The following CFAP99 variants were observed in gnomAD, a reference collection of about 807,000 sequenced individuals.
The protein encoded by CFAP99 is cilia- and flagella-associated protein 99.
Under a neutral mutation model 82.7 loss-of-function variants are expected in CFAP99, and 84 were observed. The observed-to-expected ratio is 1.02, with a 90% CI of 0.85 to 1.22. CFAP99 has a LOEUF of 1.22. Among genes scored for constraint, CFAP99 ranks in the 50% most tolerant of loss-of-function variants. CFAP99 has a pLI of 0.00. For synonymous variants in CFAP99, 456 were observed against 429.5 expected, an observed-to-expected ratio of 1.06 and a Z score of -0.76; for missense variants, 1,059 against 983.5, an observed-to-expected ratio of 1.08 and a Z score of -1.03.
chr4:2,458,633 A>T, intron 11 of CFAP99, 90 bp from the exon 12 acceptor site: 1 of 1,447,734 alleles, frequency 6.9e-7, no homozygotes, highest in Non-Finnish European at 9.1e-7. Context: ...GTCCACCTTC[A>T]GACCTCATGC....
chr4:2,440,627 C>T (rs376745451), intron 4 of CFAP99, among the ~76,000 whole-genome samples: 8 of 151,954 alleles, frequency 5.3e-5, no homozygotes, highest in South Asian at 4.2e-4. Flanking sequence ...GAGTCTCACT[C>T]TGTCCCCCAG....
chr4:2,458,764 G>A (rs1023890497), exon 12 of CFAP99: 1 of 1,535,780 alleles, frequency 6.5e-7, no homozygotes, highest in Non-Finnish European at 8.7e-7. Context: ...GACGGCTCCG[G>A]GAGGACAGGT....
chr4:2,423,281 C>G (rs962420071), intron 1 of CFAP99, among the ~76,000 whole-genome samples: 11 of 152,270 alleles, frequency 7.2e-5, no homozygotes, highest in African/African-American at 2.7e-4. Flanking sequence ...CACACCGCAC[C>G]GCACCCCTGC....
intron 1 of CFAP99, 71 bp downstream of exon 1, chr4:2,419,164 C>G (rs1421953852): frequency 6.6e-6 from 1 of 152,164 alleles, no homozygotes; most frequent in African/African-American, 2.4e-5. Flanking sequence ...TTCCCTCTCG[C>G]TCGCTGCTCA....
At chr4:2,426,580 C>A in exon 2 of CFAP99, 1 of 1,534,608 alleles carries the variant, frequency 6.5e-7, no homozygotes. Flanking sequence ...CGGCCACCTC[C>A]CTGCAGGTAG....
intron 9 of CFAP99, 90 bp from the exon 10 acceptor site, chr4:2,451,174 C>A: frequency 6.8e-7 from 1 of 1,472,418 alleles, no homozygotes; most frequent in Non-Finnish European, 9.2e-7. Context: ...GGGCAGGGGG[C>A]AGGTGTGACG....
intron 6 of CFAP99, among the ~76,000 whole-genome samples, chr4:2,447,929 G>GTGGGTGGATGGA (rs1354861282): frequency 7.2e-6 from 1 of 139,744 alleles, no homozygotes; most frequent in African/African-American, 2.8e-5. Context: ...GAATGGATGG[G>GTGGGTGGATGGA]TGGATGGATG....
chr4:2,431,721 T>G (rs1359935390), intron 2 of CFAP99, among the ~76,000 whole-genome samples: 1 of 148,716 alleles, frequency 6.7e-6, no homozygotes, highest in Non-Finnish European at 1.5e-5. Context: ...GCCCGTCAAA[T>G]AGGTGGGAAA....
intron 1 of CFAP99, among the ~76,000 whole-genome samples, chr4:2,423,660 T>G (rs1733626963): frequency 6.6e-6 from 1 of 152,106 alleles, no homozygotes; most frequent in Middle Eastern, 3.2e-3. Flanking sequence ...GTGGGAACCC[T>G]CAGAGGGTCT....
At chr4:2,449,523 T>C in intron 6 of CFAP99, 147 bp from the exon 7 acceptor site, 1 of 578,064 alleles carries the variant, frequency 1.7e-6, no homozygotes, top group Admixed American at 2.5e-5. Context: ...CCCGGTGGTG[T>C]TAGCTCCAGC....
chr4:2,462,942 C>A lies in CFAP99; in HGVS notation c.*16C>A. On this transcript the variant is annotated 3_prime_UTR_variant, in exon 15 of 15. Coordinates refer to ENST00000635017, the Ensembl canonical transcript of CFAP99. This position sits in a 1 kb window ranked among gnomAD's most constrained non-coding sequence, Gnocchi z 4.1. ...GGCCGCCTGAGCCGGGCCGAGCGCG[C>A]CCCACCCGCTTGCGGGCCACCCCCT... 7.9e-7 allele frequency: 1 copy of A among 1,261,352 alleles called. No individual in the cohort carries two copies. The highest frequency in any genetic ancestry group is 1.0e-6 in the Non-Finnish European group (1 of 1,002,956). 78.1% of individuals were successfully genotyped at this position (1,261,352 alleles called of 1,614,324 possible). A position where few individuals can be genotyped will look rare whatever the true frequency, so the allele number is the denominator to read the frequency against.
chr4:2,453,380 G>A (rs933564451), intron 11 of CFAP99, among the ~76,000 whole-genome samples: 4 of 152,166 alleles, frequency 2.6e-5, no homozygotes, highest in Admixed American at 6.5e-5. Context: ...ATTTCCAGAT[G>A]TCACACCAAA....
At chr4:2,438,010 C>T (rs1203630038) in intron 3 of CFAP99, 60 bp from the exon 4 acceptor site, 3 of 1,026,550 alleles carry the variant, frequency 2.9e-6, no homozygotes, top group Non-Finnish European at 4.3e-6. Flanking sequence ...GCTCCGGTCC[C>T]GCCGTGTGCC....
upstream of CFAP99, chr4:2,418,971 G>A (rs143022607): frequency 0.012 from 1,828 of 152,284 alleles, 21 homozygotes; most frequent in Non-Finnish European, 0.019. This position sits in a 1 kb window ranked among gnomAD's most constrained non-coding sequence, Gnocchi z 4.6. Context: ...CAGCCGCGGC[G>A]TCCTGCCTAC....
At chr4:2,443,957 C>CCACTTT (rs1041213881) in intron 5 of CFAP99, among the ~76,000 whole-genome samples, 12 of 152,226 alleles carry the variant, frequency 7.9e-5, no homozygotes, top group African/African-American at 2.9e-4. Flanking sequence ...TTGAAGGGAT[C>CCACTTT]CACTTTTTCT....
At chr4:2,426,312 C>T in intron 1 of CFAP99, 147 bp from the exon 2 acceptor site, 1 of 458,286 alleles carries the variant, frequency 2.2e-6, no homozygotes, top group African/African-American at 3.2e-5. Flanking sequence ...CTGCTGTAGG[C>T]CCGGCACCCT....
At chr4:2,432,297 A>G (rs182619513) in intron 2 of CFAP99, among the ~76,000 whole-genome samples, 1 of 152,342 alleles carries the variant, frequency 6.6e-6, no homozygotes. Flanking sequence ...GCTTTCTTGG[A>G]GGCCACACCT....
intron 3 of CFAP99, among the ~76,000 whole-genome samples, chr4:2,437,255 G>T (rs1015998242): frequency 6.6e-6 from 1 of 152,178 alleles, no homozygotes; most frequent in Non-Finnish European, 1.5e-5. Context: ...CCCAGTTTAG[G>T]GCATCCAGCT....
At chr4:2,457,201 C>G (rs1734457058) in intron 11 of CFAP99, among the ~76,000 whole-genome samples, 1 of 152,106 alleles carries the variant, frequency 6.6e-6, no homozygotes, top group Non-Finnish European at 1.5e-5. Context: ...CCTCAGCTTC[C>G]CCACGCGCTG....
Sources: allele counts gnomAD v4.1 joint callset (sites outside exome capture counted in the v4.1 genomes callset), GRCh38; gene constraint gnomAD v4.1.1; non-coding constraint Gnocchi (gnomAD v3.1); transcripts MANE v1.5; gene names NCBI Gene and HGNC (gene_info 2026-07-23, HGNC 2026-07-21).